Variants in MAGI2 observed in about 807,000 individuals in gnomAD.
MAGI2 encodes the protein membrane associated guanylate kinase, WW and PDZ domain containing 2.
A neutral mutation model predicts 133.3 loss-of-function variants in MAGI2; 35 were observed. The ratio of observed to expected loss-of-function variants is 0.26; its 90% CI spans 0.20 to 0.35. The LOEUF (loss-of-function observed/expected upper bound fraction) is 0.35, where lower values mean the gene tolerates loss of function less well. Ranked by LOEUF, MAGI2 falls within the 10% of genes least tolerant of loss-of-function variation. The pLI, the probability that MAGI2 is intolerant of heterozygous loss-of-function variation, is 1.00. For synonymous variants in MAGI2, 729 were observed against 710.6 expected (o/e 1.03, Z -0.41); for missense variants, 1,636 against 1,863.4 (o/e 0.88, Z 2.25).
At chr7:78,851,395 G>T (rs938942562) in intron 2 of MAGI2, among the ~76,000 whole-genome samples, 1 of 151,984 alleles carries the variant, frequency 6.6e-6, no homozygotes, top group Non-Finnish European at 1.5e-5. Flanking sequence ...AATTCCGACA[G>T]AGAGTAACTG....
intron 2 of MAGI2, among the ~76,000 whole-genome samples, chr7:78,904,828 A>G (rs1797882460): frequency 6.6e-6 from 1 of 152,118 alleles, no homozygotes; most frequent in Non-Finnish European, 1.5e-5. Flanking sequence ...GCAATTCTCA[A>G]TGTTCACTGT....
At chr7:79,002,264 G>A (rs1806943963) in intron 2 of MAGI2, among the ~76,000 whole-genome samples, 1 of 151,624 alleles carries the variant, frequency 6.6e-6, no homozygotes, top group African/African-American at 2.4e-5. Context: ...GACTACTACA[G>A]GTGCATGCCA....
chr7:78,116,915 AG>A (rs1219637338), intron 20 of MAGI2, among the ~76,000 whole-genome samples: 3 of 151,956 alleles, frequency 2.0e-5, no homozygotes, highest in African/African-American at 7.3e-5. Context: ...TGATATAAAA[AG>A]TTTGAAAACT....
At chr7:78,297,649 A>T (rs1394385874) in intron 9 of MAGI2, among the ~76,000 whole-genome samples, 1 of 151,956 alleles carries the variant, frequency 6.6e-6, no homozygotes, top group East Asian at 1.9e-4. Context: ...CTATGCAGCC[A>T]TAAAAAATGA....
At chr7:78,670,422 C>T (rs4580975) in intron 2 of MAGI2, among the ~76,000 whole-genome samples, 10 of 152,002 alleles carry the variant, frequency 6.6e-5, no homozygotes, top group East Asian at 5.8e-4. Context: ...AAATAAAAGA[C>T]GATACAAACA....
At chr7:78,537,707 A>G (rs746139792) in intron 3 of MAGI2, among the ~76,000 whole-genome samples, 9 of 151,166 alleles carry the variant, frequency 6.0e-5, no homozygotes, top group Admixed American at 6.6e-5. Flanking sequence ...TTTCTTGCTG[A>G]TTTTTTCCTT....
At chr7:79,340,046 T>A (rs115518430) in intron 1 of MAGI2, among the ~76,000 whole-genome samples, 240 of 152,288 alleles carry the variant, frequency 1.6e-3, no homozygotes, top group African/African-American at 5.2e-3. Context: ...ATGCTTTCAA[T>A]AGATACGGTT....
At chr7:78,567,308 T>A (rs1801038753) in intron 3 of MAGI2, among the ~76,000 whole-genome samples, 1 of 151,982 alleles carries the variant, frequency 6.6e-6, no homozygotes, top group Non-Finnish European at 1.5e-5. Flanking sequence ...TTCCAAGTAA[T>A]AACTGAATCT....
At chr7:78,508,005 G>A (rs1374599641) in intron 4 of MAGI2, among the ~76,000 whole-genome samples, 1 of 152,212 alleles carries the variant, frequency 6.6e-6, no homozygotes, top group East Asian at 1.9e-4. Context: ...GAGGCACTAT[G>A]GAAGGATCTA....
chr7:78,739,741 C>T (rs1178303924), intron 2 of MAGI2, among the ~76,000 whole-genome samples: 1 of 152,144 alleles, frequency 6.6e-6, no homozygotes, highest in African/African-American at 2.4e-5. Context: ...GCGCACACCT[C>T]CTCGGCAAAT....
intron 9 of MAGI2, among the ~76,000 whole-genome samples, chr7:78,286,627 A>G (rs960622749): frequency 4.6e-5 from 7 of 152,066 alleles, no homozygotes; most frequent in Non-Finnish European, 4.4e-5. Context: ...GACAATCATG[A>G]GAGTCCGCTG....
chr7:79,259,537 T>A (rs1833932300), intron 1 of MAGI2, among the ~76,000 whole-genome samples: 1 of 152,166 alleles, frequency 6.6e-6, no homozygotes, highest in Non-Finnish European at 1.5e-5. Context: ...AAACAAAACT[T>A]TAGACCCCCA....
intron 6 of MAGI2, among the ~76,000 whole-genome samples, chr7:78,477,988 C>A (rs1791958013): frequency 6.6e-6 from 1 of 151,600 alleles, no homozygotes; most frequent in Non-Finnish European, 1.5e-5. Flanking sequence ...GTTTGTTACA[C>A]AGGTAGACAC....
chr7:79,330,350 C>A (rs539187430), intron 1 of MAGI2, among the ~76,000 whole-genome samples: 1 of 151,900 alleles, frequency 6.6e-6, no homozygotes, highest in East Asian at 1.9e-4. Context: ...CCTGCCACCA[C>A]GCCCGGCTAA....
chr7:78,190,715 C>A (rs554162451), intron 12 of MAGI2, among the ~76,000 whole-genome samples: 8 of 152,190 alleles, frequency 5.3e-5, no homozygotes, highest in African/African-American at 1.9e-4. Flanking sequence ...CACTAAGGGC[C>A]CTTAGAACTA....
At chr7:78,540,062 T>C (rs1287968269) in intron 3 of MAGI2, among the ~76,000 whole-genome samples, 1 of 152,214 alleles carries the variant, frequency 6.6e-6, no homozygotes, top group Non-Finnish European at 1.5e-5. Flanking sequence ...GCTGTGATCA[T>C]ATAGGGGGAT....
intron 2 of MAGI2, 73 bp from the exon 3 acceptor site, chr7:78,627,312 A>C: frequency 7.6e-7 from 1 of 1,321,076 alleles, no homozygotes; most frequent in Non-Finnish European, 9.9e-7. Flanking sequence ...ATACCACCAT[A>C]CTTCTGAATA....
chr7:78,283,559 A>G (rs11770919), intron 9 of MAGI2, among the ~76,000 whole-genome samples: 9,103 of 152,234 alleles, frequency 0.06, 352 homozygotes, highest in South Asian at 0.091. Flanking sequence ...TCTCATTAGC[A>G]TTTCTTGTCT....
At chr7:78,489,731 C>T in intron 6 of MAGI2, 30 bp downstream of exon 6, 1 of 1,534,292 alleles carries the variant, frequency 6.5e-7, no homozygotes, top group Non-Finnish European at 9.0e-7. Context: ...AAGCACATTG[C>T]TGAAACACCA....
Sources: allele counts gnomAD v4.1 joint callset (sites outside exome capture counted in the v4.1 genomes callset), GRCh38; gene constraint gnomAD v4.1.1; transcripts MANE v1.5; gene names NCBI Gene and HGNC (gene_info 2026-07-23, HGNC 2026-07-21).